Variants in LRRC4C observed in about 807,000 individuals in gnomAD.
The protein encoded by LRRC4C is leucine-rich repeat-containing protein 4C.
LRRC4C carries 5 observed loss-of-function variants against 33.6 expected under a neutral mutation model. The observed-to-expected ratio is 0.15, with a 90% confidence interval of 0.08 to 0.31. LRRC4C has a LOEUF of 0.31. LRRC4C is among the 10% of genes least tolerant of loss of function. The pLI is 1.00. For missense variants in LRRC4C, 560 were observed against 796.7 expected, an observed-to-expected ratio of 0.70 and a Z score of 3.58; for synonymous variants, 329 against 302.0, an observed-to-expected ratio of 1.09 and a Z score of -0.93.
chr11:40,172,949 T>G (rs73453864), intron 5 of LRRC4C, among the ~76,000 whole-genome samples: 1 of 152,128 alleles, frequency 6.6e-6, no homozygotes, highest in Non-Finnish European at 1.5e-5. Context: ...AGTGGAAATA[T>G]GTACACAAAG....
At chr11:41,363,400 G>T (rs1006116283) in intron 1 of LRRC4C, among the ~76,000 whole-genome samples, 12 of 152,170 alleles carry the variant, frequency 7.9e-5, no homozygotes, top group Admixed American at 3.9e-4. Flanking sequence ...ATGTCTTAAA[G>T]GAATCTGGTG....
At chr11:40,692,234 A>G (rs1488660604) in intron 2 of LRRC4C, among the ~76,000 whole-genome samples, 1 of 151,964 alleles carries the variant, frequency 6.6e-6, no homozygotes, top group Non-Finnish European at 1.5e-5. Context: ...TTGACCAATG[A>G]CTGGAATAAT....
chr11:40,381,000 A>G (rs923632776), intron 3 of LRRC4C, among the ~76,000 whole-genome samples: 1 of 152,204 alleles, frequency 6.6e-6, no homozygotes, highest in South Asian at 2.1e-4. Flanking sequence ...GCTCAATATT[A>G]CAGCGGACTG....
At chr11:40,869,756 C>T (rs1035106158) in intron 2 of LRRC4C, among the ~76,000 whole-genome samples, 15 of 152,038 alleles carry the variant, frequency 9.9e-5, no homozygotes, top group East Asian at 3.9e-4. Context: ...GGAAGTTTGC[C>T]GACGTATAAA....
chr11:40,586,014 T>A (rs980101375), intron 3 of LRRC4C, among the ~76,000 whole-genome samples: 1 of 134,708 alleles, frequency 7.4e-6, no homozygotes, highest in African/African-American at 2.9e-5. Context: ...GCTCAAATGG[T>A]ATTTCTAGTT....
intron 3 of LRRC4C, among the ~76,000 whole-genome samples, chr11:40,483,444 T>C (rs1953694274): frequency 6.6e-6 from 1 of 152,166 alleles, no homozygotes; most frequent in South Asian, 2.1e-4. Context: ...AACAAGATAA[T>C]GTGAGCCGTG....
intron 1 of LRRC4C, among the ~76,000 whole-genome samples, chr11:41,152,725 C>T (rs996394219): frequency 4.6e-5 from 7 of 152,018 alleles, no homozygotes; most frequent in Admixed American, 3.9e-4. Flanking sequence ...GCCTAGAGTG[C>T]CATCATGATT....
chr11:40,498,831 A>G (rs1954601681), intron 3 of LRRC4C, among the ~76,000 whole-genome samples: 1 of 152,180 alleles, frequency 6.6e-6, no homozygotes. Flanking sequence ...TATTTGGAAC[A>G]TTTTTACTGG....
intron 3 of LRRC4C, among the ~76,000 whole-genome samples, chr11:40,548,341 T>C (rs1957005443): frequency 6.6e-6 from 1 of 152,116 alleles, no homozygotes; most frequent in African/African-American, 2.4e-5. Flanking sequence ...AGGCACTAAT[T>C]CAATATGACT....
At chr11:40,300,227 C>T (rs1944704901) in intron 4 of LRRC4C, among the ~76,000 whole-genome samples, 1 of 152,134 alleles carries the variant, frequency 6.6e-6, no homozygotes, top group South Asian at 2.1e-4. Context: ...CCTACATGAT[C>T]CAGTCATGTC....
chr11:40,832,636 C>T (rs1471052093), intron 2 of LRRC4C, among the ~76,000 whole-genome samples: 1 of 152,102 alleles, frequency 6.6e-6, no homozygotes, highest in Non-Finnish European at 1.5e-5. Flanking sequence ...GAATCTAGTA[C>T]TTGTGTCTCT....
At chr11:41,053,341 C>T (rs916349192) in intron 1 of LRRC4C, among the ~76,000 whole-genome samples, 2 of 152,148 alleles carry the variant, frequency 1.3e-5, no homozygotes, top group East Asian at 1.9e-4. Context: ...GAACTGAGAC[C>T]GGCTGCTGGC....
At chr11:40,794,974 ATT>A (rs1425543240) in intron 2 of LRRC4C, among the ~76,000 whole-genome samples, 1 of 152,140 alleles carries the variant, frequency 6.6e-6, no homozygotes, top group Non-Finnish European at 1.5e-5. Context: ...CTCTTACTCA[ATT>A]CTTAGTTAGA....
chr11:40,996,945 AC>A (rs2137322867), intron 1 of LRRC4C, among the ~76,000 whole-genome samples: 1 of 152,240 alleles, frequency 6.6e-6, no homozygotes, highest in Admixed American at 6.5e-5. Context: ...TGGAGATCAA[AC>A]TTTTTTTCAA....
chr11:40,401,049 C>T (rs185361983), intron 3 of LRRC4C, among the ~76,000 whole-genome samples: 364 of 152,234 alleles, frequency 2.4e-3, no homozygotes, highest in Non-Finnish European at 4.1e-3. Flanking sequence ...TGGTTGATTG[C>T]TGTTTGCAAG....
intron 2 of LRRC4C, among the ~76,000 whole-genome samples, chr11:40,707,876 C>T (rs1248906052): frequency 6.6e-6 from 1 of 152,128 alleles, no homozygotes; most frequent in African/African-American, 2.4e-5. Flanking sequence ...TTAATTATTG[C>T]CTCAATTTCA....
chr11:40,950,319 T>A (rs915702017), intron 1 of LRRC4C, among the ~76,000 whole-genome samples: 1 of 152,116 alleles, frequency 6.6e-6, no homozygotes, highest in Non-Finnish European at 1.5e-5. Flanking sequence ...GGAAAAATGA[T>A]AGACATTCCT....
At chr11:40,609,106 A>T (rs1313938412) in intron 3 of LRRC4C, among the ~76,000 whole-genome samples, 2 of 152,114 alleles carry the variant, frequency 1.3e-5, no homozygotes, top group Admixed American at 6.6e-5. Flanking sequence ...ACCCAACGGT[A>T]GCAGAATACA....
intron 1 of LRRC4C, among the ~76,000 whole-genome samples, chr11:41,190,693 A>G (rs1255977179): frequency 6.6e-6 from 1 of 152,206 alleles, no homozygotes; most frequent in African/African-American, 2.4e-5. Context: ...AAAATATATC[A>G]GCAAACCAGA....
Sources: gnomAD v4.1 joint callset for allele counts (sites outside exome capture counted in the v4.1 genomes callset) on GRCh38, gnomAD v4.1.1 for gene constraint, MANE v1.5 for transcripts, NCBI Gene and HGNC (gene_info 2026-07-23, HGNC 2026-07-21) for gene names.